Variants in PTPRM observed in about 807,000 individuals in gnomAD.
PTPRM encodes protein tyrosine phosphatase receptor type M, also known as receptor-type tyrosine-protein phosphatase mu.
A neutral mutation model predicts 186.7 loss-of-function variants in PTPRM; 47 were observed. The observed-to-expected ratio is 0.25, with a 90% confidence interval of 0.20 to 0.32. PTPRM has a LOEUF of 0.32. Among genes scored for constraint, PTPRM ranks in the 10% least tolerant of loss-of-function variants. The probability of loss-of-function intolerance (pLI) is 1.00; values close to 1 mark genes in which losing one functional copy is unlikely to be tolerated. For synonymous variants in PTPRM, 668 were observed against 674.9 expected (o/e 0.99, Z 0.16); for missense variants, 1,494 against 1,865.0 (o/e 0.80, Z 3.66).
intron 3 of PTPRM, among the ~76,000 whole-genome samples, chr18:7,898,571 A>G (rs2049491508): frequency 6.6e-6 from 1 of 152,216 alleles, no homozygotes; most frequent in South Asian, 2.1e-4. Context: ...AATGAGAGCA[A>G]TAGTCAGTTT....
rs1416516268 is a variant in PTPRM at position 7,794,538 on chromosome 18, A to T, written c.196+20267A>T. On this transcript the variant is annotated intron_variant, in intron 2 of 32. Transcript: ENST00000580170. The stretch of plus-strand genomic sequence containing the variant: ...AAGAGGACCATAGGGCCCAAGTCTC[A>T]TCATTAGACTTTCCACATTATCTTC... 2.6e-5 allele frequency among the ~76,000 whole-genome samples: 4 copies of T among 152,196 alleles called. No individual in the cohort carries two copies. The East Asian group carries it at 7.7e-4, about 29-fold the overall frequency.
chr18:8,080,258 T>A (rs923156470), intron 9 of PTPRM, among the ~76,000 whole-genome samples: 32 of 152,282 alleles, frequency 2.1e-4, no homozygotes, highest in African/African-American at 7.2e-4. Context: ...TACTCCCCAA[T>A]GTACAAGGAT....
At chr18:7,982,899 T>G (rs930133496) in intron 7 of PTPRM, among the ~76,000 whole-genome samples, 1 of 152,108 alleles carries the variant, frequency 6.6e-6, no homozygotes. Context: ...GTCAGGAAGC[T>G]TCTACAAGGA....
At chr18:7,868,695 G>A (rs1301265524) in intron 2 of PTPRM, among the ~76,000 whole-genome samples, 1 of 152,228 alleles carries the variant, frequency 6.6e-6, no homozygotes, top group African/African-American at 2.4e-5. Flanking sequence ...ACTTGAAGAG[G>A]TAGTCTGTCC....
intron 1 of PTPRM, among the ~76,000 whole-genome samples, chr18:7,664,123 G>C (rs1028556665): frequency 2.6e-5 from 4 of 152,160 alleles, no homozygotes; most frequent in Non-Finnish European, 5.9e-5. Context: ...GCCCAGGATG[G>C]GACAGCCGCA....
chr18:8,189,064 G>A (rs2093677147), intron 14 of PTPRM, among the ~76,000 whole-genome samples: 1 of 152,064 alleles, frequency 6.6e-6, no homozygotes, highest in African/African-American at 2.4e-5. Context: ...CTAGCACTTT[G>A]GGAGGCCGTG....
chr18:8,175,138 G>A (rs2093462232), intron 14 of PTPRM, among the ~76,000 whole-genome samples: 1 of 152,178 alleles, frequency 6.6e-6, no homozygotes, highest in South Asian at 2.1e-4. Context: ...GCTTTTGTGA[G>A]TTCTCTAGAT....
chr18:8,394,625 T>A lies in PTPRM; in HGVS notation c.4344+14T>A. The A allele has an allele frequency of 6.3e-7, 1 of 1,597,152 alleles. No individual in the cohort carries two copies. Among genetic ancestry groups the A allele is most frequent in the Non-Finnish European group, 8.5e-7 (1 of 1,170,462 alleles). Reference sequence around the variant, plus strand: ...GTCGACCTCCTGGTAGGACACCCCCTCTGAGCTGTTCCATGAGACACCCCA... The same window carrying A: ...GTCGACCTCCTGGTAGGACACCCCCACTGAGCTGTTCCATGAGACACCCCA... On this transcript the variant is annotated intron_variant, in intron 32 of 32. Transcript: ENST00000580170.
intron 2 of PTPRM, among the ~76,000 whole-genome samples, chr18:7,807,423 C>T (rs752262819): frequency 7.2e-5 from 11 of 152,300 alleles, no homozygotes; most frequent in East Asian, 1.9e-4. Context: ...ACAGCTGATA[C>T]GCATAGGTTT....
At chr18:7,626,798 C>G (rs1476705595) in intron 1 of PTPRM, among the ~76,000 whole-genome samples, 1 of 152,232 alleles carries the variant, frequency 6.6e-6, no homozygotes, top group Non-Finnish European at 1.5e-5. Flanking sequence ...CAAGTAATCC[C>G]CCCAATTTGG....
Position 8,296,448 on chromosome 18 carries a change from C to T in PTPRM, c.2835C>T (p.Ile945=), listed in dbSNP as rs770326904. Residue 945 remains isoleucine, a synonymous_variant, in exon 20 of 33, where the codon ATC becomes ATT. Transcript: ENST00000580170. ...ENRMKNRYGN[I]IAYDHSRVRL... is the part of the protein sequence containing the mutation. ...GAATGAAGAACAGATACGGGAATAT[C>T]ATTGCATGTAAGTGTCAACAGTGTC... 4 of 1,601,534 alleles carry T rather than the reference C, an allele frequency of 2.5e-6. No individual in the cohort carries two copies. Among genetic ancestry groups the T allele is most frequent in the Admixed American group, 3.3e-5 (2 of 59,980 alleles).
chr18:7,867,341 G>T (rs1211794941), intron 2 of PTPRM, among the ~76,000 whole-genome samples: 1 of 152,136 alleles, frequency 6.6e-6, no homozygotes, highest in Non-Finnish European at 1.5e-5. Flanking sequence ...GGTACTGGTT[G>T]TTCCTTTCCA....
intron 31 of PTPRM, 104 bp from the exon 32 acceptor site, chr18:8,394,372 G>A: frequency 7.5e-7 from 1 of 1,332,838 alleles, no homozygotes; most frequent in Non-Finnish European, 1.0e-6. Flanking sequence ...AGAGCCCTTT[G>A]TTGTTACTGT....
chr18:8,278,418 C>G (rs539626549), intron 19 of PTPRM, among the ~76,000 whole-genome samples: 1 of 152,178 alleles, frequency 6.6e-6, no homozygotes, highest in East Asian at 1.9e-4. Context: ...GCCGTACTTT[C>G]CTAAGCTTAT....
rs1375978059 is a variant in PTPRM at position 8,125,621 on chromosome 18, T to C, written c.2167+10794T>C. Among the ~76,000 whole-genome samples the C allele has an allele frequency of 2.0e-5, 3 of 152,158 alleles. No individual in the cohort carries two copies. The East Asian group carries it at 5.8e-4, about 30-fold the overall frequency. ...TTGTCATCCACAATTTTTAAAAAAA[T>C]GCTTTGCTAAGTTACTAACTAGATT... is the stretch of plus-strand genomic sequence containing the variant. On this transcript the variant is annotated intron_variant, in intron 13 of 32. Coordinates refer to ENST00000580170, the MANE Select transcript of PTPRM (RefSeq NM_001105244.2).
intron 1 of PTPRM, among the ~76,000 whole-genome samples, chr18:7,637,814 C>T (rs2038354587): frequency 6.6e-6 from 1 of 152,150 alleles, no homozygotes; most frequent in Non-Finnish European, 1.5e-5. Context: ...GAACAGAATG[C>T]GTTTACAACT....
At chr18:7,731,564 C>T (rs1568060495) in intron 1 of PTPRM, among the ~76,000 whole-genome samples, 1 of 152,048 alleles carries the variant, frequency 6.6e-6, no homozygotes, top group Non-Finnish European at 1.5e-5. Flanking sequence ...ATAACAAGGC[C>T]ATCTAAGTTA....
chr18:7,801,378 T>A (rs550689221), intron 2 of PTPRM, among the ~76,000 whole-genome samples: 1 of 152,298 alleles, frequency 6.6e-6, no homozygotes, highest in South Asian at 2.1e-4. Flanking sequence ...AATTGGTCAC[T>A]GATATATCAC....
chr18:7,984,593 A>G (rs551380749), intron 7 of PTPRM, among the ~76,000 whole-genome samples: 1 of 120,434 alleles, frequency 8.3e-6, no homozygotes, highest in East Asian at 2.2e-4. Flanking sequence ...ATATATATAT[A>G]TATATATATA....
Sources: gnomAD v4.1 joint callset for allele counts (sites outside exome capture counted in the v4.1 genomes callset) on GRCh38, gnomAD v4.1.1 for gene constraint, MANE v1.5 for transcripts, NCBI Gene and HGNC (gene_info 2026-07-23, HGNC 2026-07-21) for gene names.